ANKRD30BL: variants seen among roughly 807,000 people sequenced by gnomAD.
The protein encoded by ANKRD30BL is putative ankyrin repeat domain-containing protein 30B-like.
ANKRD30BL carries 20 observed loss-of-function variants against 18.4 expected under a neutral mutation model. That is an observed-to-expected ratio of 1.09 (90% CI 0.77 to 1.58). The LOEUF (loss-of-function observed/expected upper bound fraction) is 1.58, where lower values mean the gene tolerates loss of function less well. Among genes scored for constraint, ANKRD30BL ranks in the 40% most tolerant of loss-of-function variants. The probability of loss-of-function intolerance (pLI) is 0.00; values close to 1 mark genes in which losing one functional copy is unlikely to be tolerated. For missense variants in ANKRD30BL, 224 were observed against 268.6 expected (o/e 0.83, Z 1.16); for synonymous variants, 72 against 100.9 (o/e 0.71, Z 1.72).
chr2:132,222,277 C>T (rs1408637020), intron 1 of ANKRD30BL, among the ~76,000 whole-genome samples: 14 of 150,990 alleles, frequency 9.3e-5, no homozygotes, highest in South Asian at 4.2e-4. Flanking sequence ...TCTGCCCGGC[C>T]GCCCCTACTG....
upstream of ANKRD30BL, among the ~76,000 whole-genome samples, chr2:132,162,481 G>A (rs1215342847): frequency 1.3e-5 from 2 of 152,186 alleles, no homozygotes; most frequent in Admixed American, 1.3e-4. Context: ...GCGCAGGCTT[G>A]CCACCACTGG....
chr2:132,253,575 A>G (rs13427421), intron 1 of ANKRD30BL, among the ~76,000 whole-genome samples: 26,181 of 152,076 alleles, frequency 0.17, 4,950 homozygotes, highest in African/African-American at 0.47. Flanking sequence ...CACGATGGCC[A>G]CTGGGTAAAG....
intron 1 of ANKRD30BL, among the ~76,000 whole-genome samples, chr2:132,222,292 G>A (rs1679713764): frequency 6.6e-6 from 1 of 151,974 alleles, no homozygotes; most frequent in African/African-American, 2.4e-5. Flanking sequence ...CTACTGGGAA[G>A]TGAGGAGCCC....
chr2:132,197,999 A>G (rs1443685297), intron 1 of ANKRD30BL, among the ~76,000 whole-genome samples: 1 of 151,822 alleles, frequency 6.6e-6, no homozygotes, highest in Non-Finnish European at 1.5e-5. Context: ...GATTTACTCA[A>G]ATAAAAATTT....
In ANKRD30BL at chr2:132,161,916, C is replaced by T. The variant is rs13009012; in HGVS notation, c.-211G>A. ...GCAGCTGAGCAGAACCGTTAGGCAC[C>T]TGAGCAGAACCTTTAGGCAGCTGAG... On this transcript the variant is annotated 5_prime_UTR_variant, in exon 1 of 6. Coordinates refer to ENST00000409867, the MANE Select transcript of ANKRD30BL (RefSeq NM_001358416.1). 3 of 543,478 alleles carry T rather than the reference C, an allele frequency of 5.5e-6. No homozygotes were observed. The highest frequency in any genetic ancestry group is 6.6e-6 in the Non-Finnish European group (2 of 304,042). The allele number at this position is 543,478 out of a possible 1,614,324, so 33.7% of individuals were successfully genotyped here. A position where few individuals can be genotyped will look rare whatever the true frequency, so the allele number is the denominator to read the frequency against.
At chr2:132,148,791 G>A (rs1290739752) in intron 5 of ANKRD30BL, among the ~76,000 whole-genome samples, 1 of 149,386 alleles carries the variant, frequency 6.7e-6, no homozygotes, top group African/African-American at 2.5e-5. Context: ...CTCGCACAGA[G>A]TAAGCACTAA....
intron 1 of ANKRD30BL, among the ~76,000 whole-genome samples, chr2:132,230,122 A>G (rs908541305): frequency 1.1e-4 from 16 of 152,214 alleles, no homozygotes; most frequent in African/African-American, 3.6e-4. Context: ...TGTGGTGGAA[A>G]AGGAAATATC....
At chr2:132,176,680 A>G (rs1275625359) in intron 1 of ANKRD30BL, among the ~76,000 whole-genome samples, 8 of 152,030 alleles carry the variant, frequency 5.3e-5, no homozygotes, top group Non-Finnish European at 1.0e-4. Context: ...GATCCCAGAT[A>G]CTCGGGAGGC....
intron 1 of ANKRD30BL, among the ~76,000 whole-genome samples, chr2:132,254,244 A>ACC (rs1395595725): frequency 6.6e-6 from 1 of 152,116 alleles, no homozygotes; most frequent in Non-Finnish European, 1.5e-5. Context: ...GGGCCATGCA[A>ACC]CGAACAAAGG....
At chr2:132,225,632 C>T (rs556298510) in intron 1 of ANKRD30BL, among the ~76,000 whole-genome samples, 74 of 152,054 alleles carry the variant, frequency 4.9e-4, no homozygotes, top group Admixed American at 1.4e-3. Context: ...ATTTGGAACG[C>T]GTTGAGGCAT....
rs1688585936 is a variant in ANKRD30BL, at chr2:132,187,397, G to C, written n.442-30251C>G. Among the ~76,000 whole-genome samples the C allele has an allele frequency of 2.0e-5, 3 of 151,956 alleles. No homozygotes were observed. In the South Asian group the frequency reaches 6.2e-4, roughly 32 times the overall value. The stretch of plus-strand genomic sequence containing the variant: ...TTTAGTAGAGATGGGGTTTAGCCAT[G>C]TTGGCCGGGCTTCCTCAAGCGATTC... On this transcript the variant is annotated intron_variant and non_coding_transcript_variant, in intron 1 of 4. Coordinates refer to the ANKRD30BL transcript ENST00000470729.
chr2:132,164,511 A>C (rs1468089081), upstream of ANKRD30BL, among the ~76,000 whole-genome samples: 1 of 151,552 alleles, frequency 6.6e-6, no homozygotes, highest in Non-Finnish European at 1.5e-5. Flanking sequence ...GGCTGGTCTC[A>C]AACTCCCAGC....
chr2:132,212,810 C>G (rs1410970766), intron 1 of ANKRD30BL, among the ~76,000 whole-genome samples: 1 of 151,728 alleles, frequency 6.6e-6, no homozygotes, highest in Non-Finnish European at 1.5e-5. Context: ...GAAATGTCCT[C>G]ACATAAAAAC....
chr2:132,190,006 T>G (rs1678812843), intron 1 of ANKRD30BL, among the ~76,000 whole-genome samples: 1 of 151,878 alleles, frequency 6.6e-6, no homozygotes, highest in African/African-American at 2.4e-5. Flanking sequence ...AAACTTCAGC[T>G]CTAAAAAGTT....
At chr2:132,194,907 A>C (rs1412210376) in intron 1 of ANKRD30BL, among the ~76,000 whole-genome samples, 1 of 152,162 alleles carries the variant, frequency 6.6e-6, no homozygotes, top group African/African-American at 2.4e-5. Context: ...ATCCCATCTT[A>C]TCTCTGCTAG....
intron 3 of ANKRD30BL, chr2:132,155,419 T>TC (rs1180278017): frequency 6.6e-6 from 1 of 152,196 alleles, no homozygotes; most frequent in Non-Finnish European, 1.5e-5. Context: ...CACTTGATTC[T>TC]CTTCTATCAA....
At chr2:132,187,761 CTT>C (rs113704728) in intron 1 of ANKRD30BL, among the ~76,000 whole-genome samples, 8 of 142,152 alleles carry the variant, frequency 5.6e-5, no homozygotes, top group Admixed American at 7.0e-5. Flanking sequence ...AGAATAGATT[CTT>C]TTTTTTTTTT....
intron 1 of ANKRD30BL, among the ~76,000 whole-genome samples, chr2:132,168,530 A>G (rs1032854951): frequency 3.9e-5 from 6 of 152,192 alleles, no homozygotes; most frequent in Non-Finnish European, 8.8e-5. Context: ...GCATAATCTT[A>G]TTTATCTGTG....
At chr2:132,163,481 T>A (rs1310451763), upstream of ANKRD30BL, among the ~76,000 whole-genome samples, 2 of 152,114 alleles carry the variant, frequency 1.3e-5, no homozygotes. Context: ...CTTCTGGATT[T>A]TGGTTATTGT....
Sources: gnomAD v4.1 joint callset for allele counts (sites outside exome capture counted in the v4.1 genomes callset) on GRCh38, gnomAD v4.1.1 for gene constraint, MANE v1.5 for transcripts, NCBI Gene and HGNC (gene_info 2026-07-23, HGNC 2026-07-21) for gene names.